The following LOXHD1 variants were observed in gnomAD, a reference collection of about 807,000 sequenced individuals.
LOXHD1 encodes the protein lipoxygenase homology PLAT domains 1, also known as lipoxygenase homology domain-containing protein 1.
LOXHD1 carries 205 observed loss-of-function variants against 248.2 expected under a neutral mutation model. The ratio of observed to expected loss-of-function variants is 0.83; its 90% CI spans 0.74 to 0.93. LOXHD1 has a LOEUF of 0.93. Ranked by LOEUF, LOXHD1 falls within the 40% of genes least tolerant of loss-of-function variation. The probability of loss-of-function intolerance (pLI) is 0.00; values close to 1 mark genes in which losing one functional copy is unlikely to be tolerated. For missense variants in LOXHD1, 2,930 were observed against 2,971.6 expected, an observed-to-expected ratio of 0.99 and a Z score of 0.33; for synonymous variants, 1,113 against 1,162.8, an observed-to-expected ratio of 0.96 and a Z score of 0.87.
chr18:46,615,989 T>C (rs2038580995), intron 5 of LOXHD1, among the ~76,000 whole-genome samples: 1 of 152,262 alleles, frequency 6.6e-6, no homozygotes, highest in Non-Finnish European at 1.5e-5. Flanking sequence ...TTGACAGATA[T>C]TAATATAGCT....
chr18:46,642,830 T>C (rs1906903095), intron 2 of LOXHD1, among the ~76,000 whole-genome samples: 1 of 152,116 alleles, frequency 6.6e-6, no homozygotes, highest in Non-Finnish European at 1.5e-5. Flanking sequence ...GCCCCTGCCA[T>C]TTGAGCCCCG....
chr18:46,500,023 A>C lies in LOXHD1; in HGVS notation c.5878+5815T>G, dbSNP rs1201111265. Among the ~76,000 whole-genome samples, 3 of 152,040 alleles carry C rather than the reference A, an allele frequency of 2.0e-5. No homozygotes were observed. In the East Asian group the frequency reaches 5.8e-4, roughly 29 times the overall value. Reference sequence around the variant, plus strand: ...AGCATTACAGAGTTTCCCAGATGTAAATTTCCTCCCCAAGCACATCCCACT... The same window carrying C: ...AGCATTACAGAGTTTCCCAGATGTACATTTCCTCCCCAAGCACATCCCACT... On this transcript the variant is annotated intron_variant, in intron 37 of 40. Transcript: ENST00000642948.
chr18:46,517,666 T>C (rs1364899098), intron 34 of LOXHD1, among the ~76,000 whole-genome samples: 20 of 152,158 alleles, frequency 1.3e-4, no homozygotes. Flanking sequence ...GTGTTCAGTC[T>C]TTTTTTAATG....
At chr18:46,538,385 A>G (rs190937724) in intron 25 of LOXHD1, 48 bp from the exon 26 acceptor site, 2 of 1,515,434 alleles carry the variant, frequency 1.3e-6, no homozygotes, top group East Asian at 2.5e-5. Context: ...GAGAGAACAG[A>G]AAACAAACAT....
rs1276756876 is a variant in LOXHD1, at chr18:46,643,003, C to T, written c.246-967G>A. ...TCACAGAAGATTTATCCACCATCGA[C>T]GTCTTTTAAAATAAAGCGGAAGGGG... On this transcript the variant is annotated intron_variant, in intron 2 of 40. Transcript: ENST00000642948. 5.9e-5 allele frequency among the ~76,000 whole-genome samples: 9 copies of T among 152,190 alleles called. No homozygotes were observed. The South Asian group carries it at 1.7e-3, about 28-fold the overall frequency.
chr18:46,520,230 G>A (rs1872803780), intron 33 of LOXHD1: 2 of 466,134 alleles, frequency 4.3e-6, no homozygotes, highest in Non-Finnish European at 8.8e-6. Flanking sequence ...AAGGTTTTTA[G>A]AGCCCCACTT....
At chr18:46,622,152 C>G (rs2038677242) in intron 4 of LOXHD1, among the ~76,000 whole-genome samples, 1 of 152,134 alleles carries the variant, frequency 6.6e-6, no homozygotes, top group African/African-American at 2.4e-5. Context: ...GACCCTATGC[C>G]AGGGTGGGCA....
At position 46,507,666 on chromosome 18, in the gene LOXHD1, T is replaced by C. The variant is rs773310867; in HGVS notation, c.5564A>G (p.Tyr1855Cys). ...CTTCCGCTGGGACAGCCAGTCTCCATAGTAGAACATGGTCAGGTCTCCAGT... is the reference window on the plus strand; with the variant it reads ...CTTCCGCTGGGACAGCCAGTCTCCACAGTAGAACATGGTCAGGTCTCCAGT... ...MNTGDLTMFY[Y>C]GDWLSQRKGK... The change falls in exon 36 of 41, where the codon TAT becomes TGT. Residue 1855 changes from tyrosine to cysteine, a missense_variant. By Grantham distance (194) the Tyr-to-Cys change is radical (BLOSUM62 -2). Transcript: ENST00000642948. The C allele has an allele frequency of 6.4e-6, 10 of 1,551,604 alleles. No homozygotes were observed. The highest frequency in any genetic ancestry group is 2.4e-5 in the East Asian group (1 of 40,924).
chr18:46,592,631 G>A (rs1301026787), intron 10 of LOXHD1, 47 bp from the exon 11 acceptor site: 1 of 1,466,120 alleles, frequency 6.8e-7, no homozygotes, highest in Admixed American at 2.0e-5. Context: ...CTGAAGAAAT[G>A]TGTTTATTCT....
At chr18:46,508,836 TC>T (rs1424386493) in intron 35 of LOXHD1, among the ~76,000 whole-genome samples, 2 of 152,204 alleles carry the variant, frequency 1.3e-5, no homozygotes, top group African/African-American at 4.8e-5. Flanking sequence ...GCCCTTGGAC[TC>T]CTAACATCAC....
Position 46,545,627 on chromosome 18 carries a change from C to CTTTTTTTTTTTTTTTTTTTTT in LOXHD1, c.3515-207_3515-206insAAAAAAAAAAAAAAAAAAAAA, listed in dbSNP as rs56323729. On this transcript the variant is annotated intron_variant, in intron 22 of 40. Transcript: ENST00000642948. Reference sequence around the variant, plus strand: ...GTTTCTATGTTCCTCTTGGCCATTTCTTTTTTTTTTTTTTTTTTTTGAGAC... The same window carrying CTTTTTTTTTTTTTTTTTTTTT: ...GTTTCTATGTTCCTCTTGGCCATTTCTTTTTTTTTTTTTTTTTTTTTTTTTTTTTTTTTTTTTTTTTGAGAC... 1.5e-4 allele frequency among the ~76,000 whole-genome samples: 14 copies of CTTTTTTTTTTTTTTTTTTTTT among 92,242 alleles called. 3 individuals are homozygous for CTTTTTTTTTTTTTTTTTTTTT. The highest frequency in any genetic ancestry group is 5.4e-4 in the African/African-American group (11 of 20,510). The allele number at this position is 92,242 out of a possible 152,430, so 60.5% of individuals were successfully genotyped here. A position where few individuals can be genotyped will look rare whatever the true frequency, so the allele number is the denominator to read the frequency against.
Position 46,639,792 on chromosome 18 carries a change from T to C in LOXHD1, c.335A>G (p.His112Arg). The change falls in exon 4 of 41, where the codon CAT (histidine) becomes CGT (arginine). Residue 112 changes from histidine (H) to arginine (R), a missense_variant. By Grantham distance (29) the His-to-Arg change is conservative (BLOSUM62 0). Coordinates refer to ENST00000642948, the MANE Select transcript of LOXHD1 (RefSeq NM_001384474.1). The part of the protein sequence containing the change: ...VGLIYKVRIE[H>R]DNTGLNASWY... ...GCTGGCATTCAAGCCCGTGTTGTCA[T>C]GCTCAATCCTGAGGCAGAAGCCAAG... The C allele has an allele frequency of 6.4e-7, 1 of 1,551,724 alleles. No individual in the cohort carries two copies. The highest frequency in any genetic ancestry group is 8.7e-7 in the Non-Finnish European group (1 of 1,147,004).
In LOXHD1 at chr18:46,538,245, C is replaced by T. The variant is rs149068207; in HGVS notation, c.4006G>A (p.Val1336Met). The change falls in exon 26 of 41, where the codon GTG becomes ATG. Residue 1336 changes from valine to methionine, a missense_variant. Val to Met is a conservative substitution (Grantham distance 21, BLOSUM62 1). Coordinates refer to ENST00000642948, the MANE Select transcript of LOXHD1 (RefSeq NM_001384474.1). ...IFIIIYGCDA[V>M]CTQQKYLCTN... Reference sequence around the variant, plus strand: ...CACAGATACTTCTGCTGGGTGCACACGGCATCGCAGCCATAGATGATGATG... The same window carrying T: ...CACAGATACTTCTGCTGGGTGCACATGGCATCGCAGCCATAGATGATGATG... The T allele has an allele frequency of 3.5e-5, 54 of 1,551,180 alleles. No individual in the cohort carries two copies. Among genetic ancestry groups the T allele is most frequent in the East Asian group, 2.2e-4 (9 of 40,914 alleles).
At chr18:46,567,707 C>A (rs2037671427) in intron 16 of LOXHD1, among the ~76,000 whole-genome samples, 1 of 152,192 alleles carries the variant, frequency 6.6e-6, no homozygotes. Flanking sequence ...GTGTTATTCA[C>A]ATATTTAATA....
At chr18:46,602,822 C>T (rs190053596) in intron 7 of LOXHD1, among the ~76,000 whole-genome samples, 46 of 152,108 alleles carry the variant, frequency 3.0e-4, no homozygotes, top group African/African-American at 9.4e-4. Context: ...CTCTAAGATG[C>T]ATGGACAAAT....
At chr18:46,611,139 G>C (rs2038502248) in intron 5 of LOXHD1, among the ~76,000 whole-genome samples, 1 of 152,144 alleles carries the variant, frequency 6.6e-6, no homozygotes, top group South Asian at 2.1e-4. Context: ...CTGAGCTTTT[G>C]ATTTCTGCCT....
At chr18:46,656,859 G>T in intron 1 of LOXHD1, 45 bp downstream of exon 1, 1 of 1,543,060 alleles carries the variant, frequency 6.5e-7, no homozygotes, top group Non-Finnish European at 8.8e-7. Flanking sequence ...CCTGCCCACC[G>T]CAGCCAGCTG....
At chr18:46,509,203 T>C (rs11082531) in intron 35 of LOXHD1, among the ~76,000 whole-genome samples, 54,715 of 151,958 alleles carry the variant, frequency 0.36, 11,222 homozygotes, top group East Asian at 0.61. Flanking sequence ...ACTGAGAGCT[T>C]AAGGATCCAG....
intron 37 of LOXHD1, among the ~76,000 whole-genome samples, chr18:46,505,420 C>T (rs1247415321): frequency 6.6e-6 from 1 of 152,140 alleles, no homozygotes; most frequent in Non-Finnish European, 1.5e-5. Context: ...GGGGCTCAAG[C>T]AATCCTCTCA....
Sources: allele counts gnomAD v4.1 joint callset (sites outside exome capture counted in the v4.1 genomes callset), GRCh38; gene constraint gnomAD v4.1.1; transcripts MANE v1.5; gene names NCBI Gene and HGNC (gene_info 2026-07-23, HGNC 2026-07-21).